Variants in PUS10 observed in about 807,000 individuals in gnomAD.
PUS10 encodes pseudouridine synthase 10.
PUS10 carries 59 observed loss-of-function variants against 75.0 expected under a neutral mutation model. The observed-to-expected ratio is 0.79, with a 90% CI of 0.64 to 0.98. PUS10 has a LOEUF of 0.98. PUS10 is among the 50% of genes least tolerant of loss of function. The pLI is 0.00. For missense variants in PUS10, 650 were observed against 614.4 expected, an observed-to-expected ratio of 1.06 and a Z score of -0.61; for synonymous variants, 219 against 211.6, an observed-to-expected ratio of 1.03 and a Z score of -0.30.
chr2:61,015,060 T>C (rs1325935069), intron 1 of PUS10, among the ~76,000 whole-genome samples: 2 of 152,166 alleles, frequency 1.3e-5, no homozygotes, highest in Non-Finnish European at 2.9e-5. Context: ...AAAATCAGGC[T>C]TGTATGGACA....
chr2:60,946,078 CTG>C (rs1283985061), intron 16 of PUS10, among the ~76,000 whole-genome samples: 3 of 152,198 alleles, frequency 2.0e-5, no homozygotes, highest in Non-Finnish European at 2.9e-5. Context: ...TATCTAGTAA[CTG>C]TGTTTTTTGG....
intron 4 of PUS10, among the ~76,000 whole-genome samples, chr2:60,982,812 C>T (rs748677646): frequency 6.6e-5 from 10 of 151,820 alleles, no homozygotes; most frequent in Non-Finnish European, 1.3e-4. Flanking sequence ...ATGTAAATAT[C>T]CTAAATAAAA....
chr2:60,967,250 T>C (rs1676394118), intron 6 of PUS10: 1 of 322,782 alleles, frequency 3.1e-6, no homozygotes, highest in Non-Finnish European at 5.7e-6. Context: ...ATTTCTAACC[T>C]TTTAAGGTCA....
chr2:60,958,815 G>A (rs1272834386), intron 11 of PUS10, among the ~76,000 whole-genome samples: 1 of 152,132 alleles, frequency 6.6e-6, no homozygotes, highest in African/African-American at 2.4e-5. Context: ...AAGCCCAGGA[G>A]CTAAAGGCTG....
chr2:60,983,541 C>G (rs1299829758), intron 4 of PUS10, among the ~76,000 whole-genome samples: 1 of 151,768 alleles, frequency 6.6e-6, no homozygotes, highest in Non-Finnish European at 1.5e-5. Flanking sequence ...ATTAGCTGAG[C>G]ATGGTAGCGC....
intron 11 of PUS10, among the ~76,000 whole-genome samples, chr2:60,959,861 G>T (rs972678518): frequency 6.6e-6 from 1 of 152,054 alleles, no homozygotes; most frequent in African/African-American, 2.4e-5. Flanking sequence ...CCACCCCCAA[G>T]AAATCTATTC....
intron 2 of PUS10, chr2:61,009,736 CCT>C (rs1368446396): frequency 1.3e-5 from 2 of 152,324 alleles, no homozygotes; most frequent in African/African-American, 4.8e-5. Context: ...AGAGGATTTT[CCT>C]CTGTTTTGTT....
chr2:61,008,841 A>T lies in PUS10; in HGVS notation c.301T>A (p.Ser101Thr). The T allele has an allele frequency of 6.2e-7, 1 of 1,612,476 alleles. No individual in the cohort carries two copies. The highest frequency in any genetic ancestry group is 1.3e-5 in the African/African-American group (1 of 75,020). The change falls in exon 3 of 18, where the codon TCC (serine) becomes ACC (threonine). Residue 101 changes from serine (S) to threonine (T), a missense_variant. Physicochemically the swap from Ser to Thr is moderately conservative, Grantham distance 58. Transcript: ENST00000316752. ...CATACATTTAAATTTGAGTTCTTGG[A>T]AGCAGTGCTTCCAACATGACTAACA... is the stretch of plus-strand genomic sequence containing the variant. ...ISVSHVGSTASKNSNLNVCNV... is the reference protein window; with the variant it reads ...ISVSHVGSTATKNSNLNVCNV...
rs202017780 is a variant in PUS10, at chr2:60,947,218, GT to G, written c.1451+824del. On this transcript the variant is annotated intron_variant, in intron 16 of 17. Coordinates refer to ENST00000316752, the MANE Select transcript of PUS10 (RefSeq NM_144709.4). ...ATGTCATCTGAATCGTTTTGTTTTT[GT>G]TTTTTTTTCACAAGGCACGTAGACA... 1.3e-4 allele frequency among the ~76,000 whole-genome samples: 20 copies of G among 149,724 alleles called. No individual in the cohort carries two copies. In the East Asian group the frequency reaches 3.3e-3, roughly 25 times the overall value.
In PUS10 at chr2:60,959,208, A is replaced by C. The variant is rs188650741; in HGVS notation, c.1000+1184T>G. On this transcript the variant is annotated intron_variant, in intron 11 of 17. Transcript: ENST00000316752. ...AGGACACTTTACAGGTTAAGAGAGA[A>C]GCCAAACACTTGCCAGTGATTACTC... 3.4e-3 allele frequency among the ~76,000 whole-genome samples: 519 copies of C among 152,336 alleles called. 1 individual carries two copies. The highest frequency in any genetic ancestry group is 8.0e-3 in the Admixed American group (123 of 15,306).
At chr2:60,960,569 T>C (rs1675966600) in intron 10 of PUS10, 52 bp from the exon 11 acceptor site, 1 of 1,511,368 alleles carries the variant, frequency 6.6e-7, no homozygotes, top group Non-Finnish European at 8.8e-7. Context: ...ATTAACATGG[T>C]AGGATAAAAA....
chr2:60,947,952 C>G (rs1027166566), intron 16 of PUS10, 91 bp downstream of exon 16: 1 of 1,403,506 alleles, frequency 7.1e-7, no homozygotes, highest in Admixed American at 1.8e-5. Context: ...GAATCCCTCC[C>G]AGACCAAGCT....
At position 60,948,142 on chromosome 2, in the gene PUS10, C is replaced by A; in HGVS notation, c.1352G>T (p.Arg451Leu). The A allele has an allele frequency of 6.2e-7, 1 of 1,614,072 alleles. No homozygotes were observed. The highest frequency in any genetic ancestry group is 8.5e-7 in the Non-Finnish European group (1 of 1,180,010). The change falls in exon 16 of 18, where the codon CGA becomes CTA. Residue 451 changes from arginine (R) to leucine (L), a missense_variant. Coordinates refer to ENST00000316752, the MANE Select transcript of PUS10 (RefSeq NM_144709.4). ...DQKTPLRVLH[R>L]RPLAVRARVI... ...GCGAGCTCGCACAGCCAGGGGCCTTCGGTGAAGGACGCGCAAAGGTGTTTT... is the reference window on the plus strand; with the variant it reads ...GCGAGCTCGCACAGCCAGGGGCCTTAGGTGAAGGACGCGCAAAGGTGTTTT...
intron 17 of PUS10, 95 bp from the exon 18 acceptor site, chr2:60,942,528 G>A: frequency 2.1e-6 from 2 of 944,550 alleles, no homozygotes; most frequent in Non-Finnish European, 3.4e-6. Context: ...TTAATATAGT[G>A]CAACAGAAGA....
chr2:60,985,169 A>G (rs1171715008), intron 4 of PUS10, among the ~76,000 whole-genome samples: 1 of 152,214 alleles, frequency 6.6e-6, no homozygotes, highest in African/African-American at 2.4e-5. Context: ...ATCTCAATTT[A>G]TTATCAAATC....
chr2:60,951,689 C>G (rs1207398467), intron 15 of PUS10, among the ~76,000 whole-genome samples: 14 of 152,226 alleles, frequency 9.2e-5, no homozygotes, highest in Admixed American at 9.2e-4. Flanking sequence ...GCTGTCTCAT[C>G]TGCTGCTCAT....
chr2:60,965,667 T>G (rs935253684), intron 6 of PUS10, 183 bp from the exon 7 acceptor site: 7 of 454,848 alleles, frequency 1.5e-5, no homozygotes, highest in Non-Finnish European at 2.7e-5. Flanking sequence ...TAGTTTTGTT[T>G]TTTTTTTTAA....
chr2:60,987,343 C>T (rs1382899501), intron 4 of PUS10, among the ~76,000 whole-genome samples: 1 of 151,804 alleles, frequency 6.6e-6, no homozygotes, highest in African/African-American at 2.4e-5. Context: ...TAAATCCTGC[C>T]ACTATCTTTA....
intron 1 of PUS10, among the ~76,000 whole-genome samples, chr2:61,012,414 CCTGT>C (rs1331111303): frequency 6.6e-6 from 1 of 152,214 alleles, no homozygotes; most frequent in Non-Finnish European, 1.5e-5. Flanking sequence ...CTTCTGCCCT[CCTGT>C]CTGTCTCATT....
Sources: allele counts gnomAD v4.1 joint callset (sites outside exome capture counted in the v4.1 genomes callset), GRCh38; gene constraint gnomAD v4.1.1; transcripts MANE v1.5; gene names NCBI Gene and HGNC (gene_info 2026-07-23, HGNC 2026-07-21).